Variants in RFX4 observed in about 807,000 individuals in gnomAD.
RFX4 encodes regulatory factor X4.
Under a neutral mutation model 95.0 loss-of-function variants are expected in RFX4, and 10 were observed. That is an observed-to-expected ratio of 0.11 (90% CI 0.06 to 0.18). The LOEUF (loss-of-function observed/expected upper bound fraction) is 0.18. Ranked by LOEUF, RFX4 falls within the 10% of genes least tolerant of loss-of-function variation. The pLI is 1.00. For missense variants in RFX4, 640 were observed against 922.0 expected (o/e 0.69, Z 3.96); for synonymous variants, 321 against 340.7 (o/e 0.94, Z 0.64).
chr12:106,724,883 G>A (rs1356570706), intron 13 of RFX4, among the ~76,000 whole-genome samples: 1 of 151,972 alleles, frequency 6.6e-6, no homozygotes, highest in Non-Finnish European at 1.5e-5. Flanking sequence ...GTGGTGGCGG[G>A]TGCCTATAAT....
At chr12:106,585,218 G>A (rs1166594508) in intron 1 of RFX4, among the ~76,000 whole-genome samples, 2 of 152,212 alleles carry the variant, frequency 1.3e-5, no homozygotes, top group Non-Finnish European at 2.9e-5. Context: ...CTCCTCCACA[G>A]GGCCAGGCCC....
chr12:106,619,378 A>C (rs2040134254), intron 2 of RFX4, among the ~76,000 whole-genome samples: 2 of 151,986 alleles, frequency 1.3e-5, no homozygotes, highest in Non-Finnish European at 2.9e-5. Flanking sequence ...TTTAATTTTA[A>C]TTTTCCTTTC....
intron 10 of RFX4, among the ~76,000 whole-genome samples, chr12:106,712,612 G>C (rs754926781): frequency 2.0e-4 from 31 of 152,076 alleles, no homozygotes; most frequent in African/African-American, 7.2e-4. Flanking sequence ...ATACCTCACT[G>C]CTCCTGTCCT....
chr12:106,732,055 G>C (rs976304036), intron 13 of RFX4, 75 bp from the exon 14 acceptor site: 11 of 1,576,618 alleles, frequency 7.0e-6, no homozygotes, highest in African/African-American at 1.3e-5. Context: ...TGTGTAACTT[G>C]TGCAGTTGAC....
At position 106,703,417 on chromosome 12, in the gene RFX4, T is replaced by C. The variant is rs138612136; in HGVS notation, c.834-5913T>C. On this transcript the variant is annotated intron_variant, in intron 8 of 17. Coordinates refer to ENST00000392842, the MANE Select transcript of RFX4 (RefSeq NM_213594.3). ...TTCTGCATTATTCAAATGTTCTACA[T>C]TAAGACCGAATTTCAATTTTTATAA... Among the ~76,000 whole-genome samples the C allele has an allele frequency of 3.3e-5, 5 of 152,330 alleles. No homozygotes were observed. The East Asian group carries it at 7.7e-4, about 23-fold the overall frequency.
intron 1 of RFX4, 92 bp downstream of exon 1, chr12:106,583,455 C>A: frequency 1.3e-5 from 17 of 1,280,820 alleles, no homozygotes; most frequent in Non-Finnish European, 1.7e-5. Context: ...AAAGTTCAGA[C>A]GGGTCAACTT....
intron 2 of RFX4, among the ~76,000 whole-genome samples, chr12:106,633,513 A>C (rs12321311): frequency 0.027 from 4,145 of 152,342 alleles, 181 homozygotes; most frequent in African/African-American, 0.094. Context: ...GGCATTTTTA[A>C]AAACTGTATC....
At chr12:106,746,520 T>C (rs1325446059) in intron 15 of RFX4, among the ~76,000 whole-genome samples, 1 of 151,680 alleles carries the variant, frequency 6.6e-6, no homozygotes, top group Non-Finnish European at 1.5e-5. Flanking sequence ...GGTGACAGAG[T>C]GAGAGCTTGT....
At chr12:106,689,135 C>G in intron 6 of RFX4, 152 bp from the exon 7 acceptor site, 1 of 696,774 alleles carries the variant, frequency 1.4e-6, no homozygotes, top group Non-Finnish European at 2.6e-6. Flanking sequence ...TAATGAAAAT[C>G]AGTCTCACCT....
intron 4 of RFX4, among the ~76,000 whole-genome samples, chr12:106,665,271 TG>T (rs1004407331): frequency 1.3e-5 from 2 of 151,956 alleles, no homozygotes; most frequent in African/African-American, 4.8e-5. Context: ...TTCTTTGCTT[TG>T]AAGTATGCTC....
intron 10 of RFX4, chr12:106,715,027 AAGG>A (rs2042261664): frequency 6.1e-6 from 1 of 164,088 alleles, no homozygotes; most frequent in African/African-American, 2.4e-5. Context: ...CTGGAGACAC[AAGG>A]ATAATTCAGC....
intron 2 of RFX4, 152 bp from the exon 3 acceptor site, chr12:106,639,180 G>C (rs1242007150): frequency 1.8e-6 from 1 of 559,206 alleles, no homozygotes; most frequent in East Asian, 2.9e-5. Context: ...AAAGTATGAT[G>C]AGTCTAACAT....
intron 2 of RFX4, among the ~76,000 whole-genome samples, chr12:106,612,390 A>T (rs932869617): frequency 6.6e-6 from 1 of 152,084 alleles, no homozygotes; most frequent in Non-Finnish European, 1.5e-5. Flanking sequence ...AATTTTCTTA[A>T]TTTCCTTTTC....
intron 2 of RFX4, among the ~76,000 whole-genome samples, chr12:106,629,432 C>A (rs2040371306): frequency 6.6e-6 from 1 of 152,096 alleles, no homozygotes; most frequent in Non-Finnish European, 1.5e-5. Context: ...TGCCAAATGA[C>A]CTTCCATACA....
chr12:106,707,571 C>T (rs1007741074), intron 8 of RFX4, among the ~76,000 whole-genome samples: 1 of 152,104 alleles, frequency 6.6e-6, no homozygotes, highest in Non-Finnish European at 1.5e-5. Context: ...GAATCGAATG[C>T]TGCCAAGATG....
At chr12:106,583,743 G>A (rs1370055906) in intron 1 of RFX4, 1 of 168,702 alleles carries the variant, frequency 5.9e-6, no homozygotes, top group African/African-American at 2.4e-5. Flanking sequence ...GGGTATGGGG[G>A]CCTCGGAATA....
chr12:106,673,131 G>A lies in RFX4; in HGVS notation c.316-8862G>A, dbSNP rs188267270. On this transcript the variant is annotated intron_variant, in intron 4 of 17. Coordinates refer to ENST00000392842, the MANE Select transcript of RFX4 (RefSeq NM_213594.3). The stretch of plus-strand genomic sequence containing the variant: ...ACCACAAAAGCCCAAAAACTAGATT[G>A]AATGAGGAGCGTCTGCAAATCCATG... Among the ~76,000 whole-genome samples, 30 of 152,326 alleles carry A rather than the reference G, an allele frequency of 2.0e-4. No homozygotes were observed. The East Asian group carries it at 5.6e-3, about 28-fold the overall frequency.
At chr12:106,747,725 C>A in intron 16 of RFX4, 126 bp downstream of exon 16, 3 of 1,002,168 alleles carry the variant, frequency 3.0e-6, no homozygotes, top group South Asian at 1.6e-5. Context: ...GTCAGGAGTT[C>A]GAGACCAGCC....
At chr12:106,645,808 G>T (rs1409112319) in intron 3 of RFX4, 1 of 822,890 alleles carries the variant, frequency 1.2e-6, no homozygotes, top group Admixed American at 2.5e-5. Flanking sequence ...TTCATAATGT[G>T]AGTTAGGTAA....
Sources: gnomAD v4.1 joint callset for allele counts (sites outside exome capture counted in the v4.1 genomes callset) on GRCh38, gnomAD v4.1.1 for gene constraint, MANE v1.5 for transcripts, NCBI Gene and HGNC (gene_info 2026-07-23, HGNC 2026-07-21) for gene names.